Variants in MACROD2 observed in about 807,000 individuals in gnomAD.
MACROD2 encodes the protein ADP-ribose glycohydrolase MACROD2.
A neutral mutation model predicts 70.4 loss-of-function variants in MACROD2; 36 were observed. The ratio of observed to expected loss-of-function variants is 0.51; its 90% CI spans 0.39 to 0.68. The LOEUF is 0.68. MACROD2 is among the 30% of genes least tolerant of loss of function. MACROD2 has a pLI of 0.00. For missense variants in MACROD2, 496 were observed against 538.4 expected (o/e 0.92, Z 0.78); for synonymous variants, 172 against 178.8 (o/e 0.96, Z 0.30).
chr20:15,349,589 C>T (rs4814360), intron 6 of MACROD2, among the ~76,000 whole-genome samples: 102,022 of 151,628 alleles, frequency 0.67, 35,045 homozygotes, highest in African/African-American at 0.81. Context: ...ACCCCATCTA[C>T]ACTAAAAATA....
chr20:14,653,432 A>T (rs1034755570), intron 4 of MACROD2, among the ~76,000 whole-genome samples: 3 of 151,688 alleles, frequency 2.0e-5, no homozygotes, highest in African/African-American at 7.3e-5. Context: ...GTTAGCCAGG[A>T]TGGTCTCGAT....
At chr20:14,433,633 C>G (rs1289211554) in intron 3 of MACROD2, among the ~76,000 whole-genome samples, 2 of 152,102 alleles carry the variant, frequency 1.3e-5, no homozygotes, top group South Asian at 2.1e-4. Context: ...AGAGTTAAGA[C>G]TACTCACAAA....
chr20:15,472,820 A>G (rs1299999217), intron 7 of MACROD2, among the ~76,000 whole-genome samples: 1 of 152,006 alleles, frequency 6.6e-6, no homozygotes, highest in African/African-American at 2.4e-5. Flanking sequence ...CGGGCCCTGT[A>G]CCTATGCTCA....
At chr20:14,146,054 G>A (rs1302533073) in intron 3 of MACROD2, among the ~76,000 whole-genome samples, 5 of 152,172 alleles carry the variant, frequency 3.3e-5, no homozygotes, top group African/African-American at 1.2e-4. Flanking sequence ...CAGGCGCGGT[G>A]GCTCACGCCT....
At chr20:15,691,419 T>G (rs768096399) in intron 8 of MACROD2, among the ~76,000 whole-genome samples, 7 of 152,232 alleles carry the variant, frequency 4.6e-5, no homozygotes, top group Non-Finnish European at 7.3e-5. Flanking sequence ...AGGTACCATT[T>G]TAGGCATTGG....
chr20:14,071,047 C>CCTTA (rs763654203), intron 2 of MACROD2, among the ~76,000 whole-genome samples: 1 of 151,928 alleles, frequency 6.6e-6, no homozygotes, highest in South Asian at 2.1e-4. Context: ...GGTGATGATC[C>CCTTA]CTTAGCTGTT....
chr20:15,576,068 G>A lies in MACROD2; in HGVS notation c.645+76221G>A, dbSNP rs1274151278. On this transcript the variant is annotated intron_variant, in intron 8 of 17. Coordinates refer to ENST00000684519, the MANE Select transcript of MACROD2 (RefSeq NM_001351661.2). Reference sequence around the variant, plus strand: ...CCTGCCATACGAGTAACAACCATGAGGTTTAGAATATTTTAAACCTTTCAA... The same window carrying A: ...CCTGCCATACGAGTAACAACCATGAAGTTTAGAATATTTTAAACCTTTCAA... Among the ~76,000 whole-genome samples, 7 of 151,836 alleles carry A rather than the reference G, an allele frequency of 4.6e-5. No homozygotes were observed. The East Asian group carries it at 1.4e-3, about 29-fold the overall frequency.
At chr20:15,559,625 T>G (rs2048216209) in intron 8 of MACROD2, among the ~76,000 whole-genome samples, 1 of 152,140 alleles carries the variant, frequency 6.6e-6, no homozygotes, top group African/African-American at 2.4e-5. Flanking sequence ...AGATGACGGG[T>G]TGAGTGGCAA....
At chr20:15,040,390 A>G (rs1480764510) in intron 5 of MACROD2, among the ~76,000 whole-genome samples, 1 of 151,028 alleles carries the variant, frequency 6.6e-6, no homozygotes, top group Non-Finnish European at 1.5e-5. Context: ...CCTTCCTTTT[A>G]CTTCCCAGAT....
At chr20:15,472,371 T>C (rs1013515828) in intron 7 of MACROD2, among the ~76,000 whole-genome samples, 1 of 152,176 alleles carries the variant, frequency 6.6e-6, no homozygotes, top group Non-Finnish European at 1.5e-5. Context: ...AAGTAATGTG[T>C]CTTACTTAAC....
intron 6 of MACROD2, among the ~76,000 whole-genome samples, chr20:15,310,740 A>G (rs2077743356): frequency 6.6e-6 from 1 of 152,082 alleles, no homozygotes; most frequent in Admixed American, 6.6e-5. Context: ...CAGATAAGGG[A>G]AAGGTGAAAT....
chr20:15,019,436 A>G (rs538513169), intron 5 of MACROD2, among the ~76,000 whole-genome samples: 2 of 152,272 alleles, frequency 1.3e-5, no homozygotes, highest in East Asian at 3.9e-4. Flanking sequence ...GCCTTTTTCC[A>G]CTACACCCCT....
chr20:14,781,096 A>C (rs373816054), intron 5 of MACROD2, among the ~76,000 whole-genome samples: 1 of 152,034 alleles, frequency 6.6e-6, no homozygotes, highest in African/African-American at 2.4e-5. Context: ...TATACAATAC[A>C]TTACTATTGA....
At chr20:14,465,060 G>T (rs2084425799) in intron 3 of MACROD2, among the ~76,000 whole-genome samples, 1 of 152,156 alleles carries the variant, frequency 6.6e-6, no homozygotes. Flanking sequence ...CCCTCTTGGT[G>T]CAGAGCTGAG....
At chr20:14,606,772 T>G (rs574080357) in intron 4 of MACROD2, among the ~76,000 whole-genome samples, 2 of 152,204 alleles carry the variant, frequency 1.3e-5, no homozygotes, top group Non-Finnish European at 2.9e-5. Flanking sequence ...GCACCAGATA[T>G]CCTTTCTTGT....
At chr20:14,150,318 T>A (rs2055001147) in intron 3 of MACROD2, among the ~76,000 whole-genome samples, 1 of 152,180 alleles carries the variant, frequency 6.6e-6, no homozygotes, top group Admixed American at 6.5e-5. Context: ...TGTGTGGATA[T>A]TGTCATGTAA....
intron 3 of MACROD2, among the ~76,000 whole-genome samples, chr20:14,228,172 T>TATATAG (rs1312521007): frequency 6.6e-6 from 1 of 151,032 alleles, no homozygotes; most frequent in African/African-American, 2.4e-5. Context: ...TGTATATATA[T>TATATAG]AGAGAGAGAG....
intron 5 of MACROD2, among the ~76,000 whole-genome samples, chr20:15,016,738 T>C (rs2075124622): frequency 1.3e-5 from 2 of 152,022 alleles, no homozygotes; most frequent in East Asian, 3.9e-4. Context: ...GGCCTCAGAA[T>C]AATGGTGGGA....
chr20:14,322,201 T>TATATATATA (rs1568553949), intron 3 of MACROD2, among the ~76,000 whole-genome samples: 37 of 124,630 alleles, frequency 3.0e-4, no homozygotes, highest in South Asian at 5.3e-4. Flanking sequence ...TATATATATA[T>TATATATATA]TTTGTATTTT....
Sources: gnomAD v4.1 joint callset for allele counts (sites outside exome capture counted in the v4.1 genomes callset) on GRCh38, gnomAD v4.1.1 for gene constraint, MANE v1.5 for transcripts, NCBI Gene and HGNC (gene_info 2026-07-23, HGNC 2026-07-21) for gene names.